APBA2: variants seen among roughly 807,000 people sequenced by gnomAD.
APBA2 encodes the protein amyloid beta precursor protein binding family A member 2.
Under a neutral mutation model 75.0 loss-of-function variants are expected in APBA2, and 30 were observed. That is an observed-to-expected ratio of 0.40 (90% confidence interval 0.30 to 0.54). APBA2 has a LOEUF of 0.54. APBA2 is among the 20% of genes least tolerant of loss of function. The pLI, the probability that APBA2 is intolerant of heterozygous loss-of-function variation, is 0.49. For missense variants in APBA2, 801 were observed against 1,016.1 expected (o/e 0.79, Z 2.88); for synonymous variants, 444 against 409.6 (o/e 1.08, Z -1.01).
At chr15:28,973,438 A>C (rs2152755755) in intron 2 of APBA2, among the ~76,000 whole-genome samples, 1 of 152,330 alleles carries the variant, frequency 6.6e-6, no homozygotes, top group African/African-American at 2.4e-5. Flanking sequence ...TTACAGATCC[A>C]GTTAAGGAAA....
intron 2 of APBA2, among the ~76,000 whole-genome samples, chr15:28,969,722 A>G (rs1403040568): frequency 1.3e-5 from 2 of 152,192 alleles, no homozygotes; most frequent in African/African-American, 4.8e-5. Context: ...TGTTGCCGCC[A>G]GGACTGGTGA....
chr15:28,925,590 G>A (rs138180474), intron 2 of APBA2, among the ~76,000 whole-genome samples: 1,792 of 152,288 alleles, frequency 0.012, 44 homozygotes, highest in African/African-American at 0.041. Context: ...TCATAGCTCA[G>A]AATGTGGTCT....
intron 2 of APBA2, among the ~76,000 whole-genome samples, chr15:28,924,743 G>A (rs371301364): frequency 1.8e-3 from 268 of 152,168 alleles, no homozygotes; most frequent in African/African-American, 6.2e-3. Context: ...TGTTAGATTC[G>A]GTATCTGTTT....
rs144824705 is a variant in APBA2, at chr15:29,105,308, G to T, written c.1525-71G>T. 634 of 1,502,854 alleles carry T rather than the reference G, an allele frequency of 4.2e-4. 2 individuals are homozygous for T. The African/African-American group carries it at 7.0e-3, about 17-fold the overall frequency. The allele number at this position is 1,502,854 out of a possible 1,614,324, so 93.1% of individuals were successfully genotyped here. On this transcript the variant is annotated intron_variant, in intron 10 of 14. Coordinates refer to ENST00000683413, the MANE Select transcript of APBA2 (RefSeq NM_001353788.2). ...GCATCCTGCACCCAGCCCTGCCGCAGCCCCCTGCTGAGGAGGCTGCGGGGA... is the reference window on the plus strand; with the variant it reads ...GCATCCTGCACCCAGCCCTGCCGCATCCCCCTGCTGAGGAGGCTGCGGGGA...
At chr15:28,915,195 AC>A (rs2033626678) in intron 1 of APBA2, among the ~76,000 whole-genome samples, 33 of 20,750 alleles carry the variant, frequency 1.6e-3, no homozygotes, top group East Asian at 4.3e-3. Context: ...TATACCACAC[AC>A]CACACACATA....
intron 4 of APBA2, among the ~76,000 whole-genome samples, chr15:29,063,209 G>A (rs1448971129): frequency 8.2e-6 from 1 of 121,236 alleles, no homozygotes; most frequent in Non-Finnish European, 1.8e-5. Context: ...GTGGGGAGGG[G>A]AGTTGATCTG....
rs2038746659 is a variant in APBA2, at chr15:28,999,799, G to A, written c.-41+3993G>A. 4.6e-5 allele frequency among the ~76,000 whole-genome samples: 7 copies of A among 152,306 alleles called. No homozygotes were observed. In the South Asian group the frequency reaches 1.2e-3, roughly 27 times the overall value. On this transcript the variant is annotated intron_variant, in intron 3 of 14. Transcript: ENST00000683413. ...GATTGGTCAATTGATATAAGGTATT[G>A]GCTTGCATGATATGGCATCTGGGAA... is the stretch of plus-strand genomic sequence containing the variant.
chr15:29,028,548 G>A (rs2040338042), intron 3 of APBA2, among the ~76,000 whole-genome samples: 2 of 152,132 alleles, frequency 1.3e-5, no homozygotes, highest in Admixed American at 1.3e-4. Context: ...GGGTCAAATG[G>A]TATTTCTGGT....
At chr15:29,011,084 A>G (rs1412440346) in intron 3 of APBA2, among the ~76,000 whole-genome samples, 1 of 152,126 alleles carries the variant, frequency 6.6e-6, no homozygotes, top group Non-Finnish European at 1.5e-5. Flanking sequence ...GTGGAATCCT[A>G]CAGTTTCTGT....
intron 2 of APBA2, among the ~76,000 whole-genome samples, chr15:28,939,148 G>T (rs749954955): frequency 3.3e-5 from 5 of 152,152 alleles, no homozygotes. Context: ...ACTTCGCATG[G>T]TGTCCGTAGG....
At chr15:29,056,610 C>CCT (rs2041905066) in intron 4 of APBA2, among the ~76,000 whole-genome samples, 1 of 45,930 alleles carries the variant, frequency 2.2e-5, no homozygotes, top group Admixed American at 2.7e-4. Context: ...CCCTCCCTCC[C>CCT]TCCTTCTCTC....
At chr15:28,970,889 TATGTGTGCCC>T (rs1467897508) in intron 2 of APBA2, among the ~76,000 whole-genome samples, 1 of 152,218 alleles carries the variant, frequency 6.6e-6, no homozygotes, top group African/African-American at 2.4e-5. Context: ...CACACACCCG[TATGTGTGCCC>T]ATGTGTGTGC....
At chr15:29,065,780 G>T (rs1401147640) in intron 4 of APBA2, among the ~76,000 whole-genome samples, 1 of 152,222 alleles carries the variant, frequency 6.6e-6, no homozygotes, top group Non-Finnish European at 1.5e-5. Flanking sequence ...CCCTCCTCCA[G>T]TGTCAACAGC....
At chr15:28,888,309 T>TA (rs1423147742) in intron 1 of APBA2, among the ~76,000 whole-genome samples, 1 of 152,172 alleles carries the variant, frequency 6.6e-6, no homozygotes, top group Non-Finnish European at 1.5e-5. Flanking sequence ...AGAGGGGTGA[T>TA]AAGACACCTT....
chr15:29,023,518 C>T (rs1395926056), intron 3 of APBA2, among the ~76,000 whole-genome samples: 4 of 130,256 alleles, frequency 3.1e-5, no homozygotes, highest in Admixed American at 9.3e-5. Context: ...TGTAGTGGCG[C>T]GATCTTGGCT....
chr15:29,108,628 G>T (rs1477435912), intron 13 of APBA2: 3 of 621,044 alleles, frequency 4.8e-6, no homozygotes, highest in Non-Finnish European at 8.3e-6. Context: ...CCTTTCCCAG[G>T]CTCCCTTGTC....
intron 4 of APBA2, among the ~76,000 whole-genome samples, chr15:29,066,708 G>T (rs1427451631): frequency 3.3e-5 from 5 of 152,152 alleles, no homozygotes; most frequent in African/African-American, 9.7e-5. Context: ...ATGGTAAATT[G>T]TATGTTATGT....
intron 2 of APBA2, among the ~76,000 whole-genome samples, chr15:28,983,352 G>T (rs144580055): frequency 9.2e-5 from 14 of 152,202 alleles, no homozygotes; most frequent in African/African-American, 3.4e-4. Flanking sequence ...TGTATTTGTG[G>T]TGTGTGTGTG....
intron 1 of APBA2, among the ~76,000 whole-genome samples, chr15:28,899,477 T>G (rs2032718771): frequency 6.6e-6 from 1 of 152,256 alleles, no homozygotes; most frequent in African/African-American, 2.4e-5. Context: ...CACAGTGTGC[T>G]TGAGTGAGCA....
Sources: allele counts gnomAD v4.1 joint callset (sites outside exome capture counted in the v4.1 genomes callset), GRCh38; gene constraint gnomAD v4.1.1; transcripts MANE v1.5; gene names NCBI Gene and HGNC (gene_info 2026-07-23, HGNC 2026-07-21).